The following KCNIP4 variants were observed in gnomAD, a reference collection of about 807,000 sequenced individuals.
KCNIP4 encodes potassium voltage-gated channel interacting protein 4.
KCNIP4 carries 12 observed loss-of-function variants against 34.0 expected under a neutral mutation model. That is an observed-to-expected ratio of 0.35 (90% CI 0.23 to 0.57). The LOEUF (loss-of-function observed/expected upper bound fraction) is 0.57, where lower values mean the gene tolerates loss of function less well. Among genes scored for constraint, KCNIP4 ranks in the 20% least tolerant of loss-of-function variants. KCNIP4 has a pLI of 0.83. For synonymous variants in KCNIP4, 124 were observed against 102.2 expected, an observed-to-expected ratio of 1.21 and a Z score of -1.29; for missense variants, 238 against 311.7, an observed-to-expected ratio of 0.76 and a Z score of 1.78.
chr4:21,304,123 G>GGGAGAGAGA (rs1712154423), intron 1 of KCNIP4: 1 of 512,048 alleles, frequency 2.0e-6, no homozygotes, highest in African/African-American at 2.3e-5. Flanking sequence ...GGAGAGAGAG[G>GGGAGAGAGA]GAGAGAGAGA....
chr4:21,113,480 AGG>A (rs150607339), intron 1 of KCNIP4, among the ~76,000 whole-genome samples: 228 of 87,448 alleles, frequency 2.6e-3, no homozygotes, highest in Non-Finnish European at 4.1e-3. Context: ...AAAAAAAAAA[AGG>A]AAAGCTATAC....
chr4:21,733,905 A>G (rs747494445), intron 1 of KCNIP4, among the ~76,000 whole-genome samples: 7 of 152,188 alleles, frequency 4.6e-5, no homozygotes, highest in Non-Finnish European at 1.0e-4. Flanking sequence ...TTGGAAACAT[A>G]ATCAGATTTT....
At position 21,792,019 on chromosome 4, in the gene KCNIP4, A is replaced by AAAAAAAAAC. The variant is rs1193398298; in HGVS notation, c.61+156551_61+156552insGTTTTTTTT. Among the ~76,000 whole-genome samples, 37 of 150,306 alleles carry AAAAAAAAAC rather than the reference A, an allele frequency of 2.5e-4. 1 individual carries two copies. The highest frequency in any genetic ancestry group is 8.9e-4 in the African/African-American group (36 of 40,452). On this transcript the variant is annotated intron_variant, in intron 1 of 8. Coordinates refer to ENST00000382152, the MANE Select transcript of KCNIP4 (RefSeq NM_025221.6). ...CCGTCTCAAAAAAAAAAAAAAAAAAAAAAAAAAAAACCTACCTCATAGGCA... is the reference window on the plus strand; with the variant it reads ...CCGTCTCAAAAAAAAAAAAAAAAAAAAAAAAAAACAAAAAAAAAACCTACCTCATAGGCA...
At chr4:21,653,521 A>G (rs1466702788) in intron 1 of KCNIP4, among the ~76,000 whole-genome samples, 1 of 152,226 alleles carries the variant, frequency 6.6e-6, no homozygotes, top group Admixed American at 6.5e-5. Context: ...ATACATACAT[A>G]TTCATATATC....
chr4:20,978,334 C>T (rs1310745512), intron 1 of KCNIP4, among the ~76,000 whole-genome samples: 1 of 152,150 alleles, frequency 6.6e-6, no homozygotes, highest in Admixed American at 6.5e-5. Context: ...CTGGAAGTTA[C>T]TTATTATGTG....
chr4:21,684,992 T>C (rs1038183705), intron 1 of KCNIP4, among the ~76,000 whole-genome samples: 2 of 152,216 alleles, frequency 1.3e-5, no homozygotes, highest in Admixed American at 6.5e-5. Context: ...CACATATTTG[T>C]ATAATATACA....
intron 1 of KCNIP4, among the ~76,000 whole-genome samples, chr4:21,944,916 A>C (rs7684869): frequency 0.27 from 41,234 of 152,008 alleles, 6,496 homozygotes; most frequent in East Asian, 0.62. Context: ...GCAGTTATAT[A>C]ATTTTGAAAG....
At chr4:21,806,886 G>T (rs1841188) in intron 1 of KCNIP4, among the ~76,000 whole-genome samples, 132,500 of 152,040 alleles carry the variant, frequency 0.87, 57,938 homozygotes, top group South Asian at 0.92. Context: ...TGGGATAGTT[G>T]TGGGATGATT....
intron 1 of KCNIP4, among the ~76,000 whole-genome samples, chr4:21,004,600 A>G (rs758617120): frequency 6.6e-6 from 1 of 152,186 alleles, no homozygotes; most frequent in South Asian, 2.1e-4. Flanking sequence ...GGAGCCTACA[A>G]CAATTACTGT....
intron 1 of KCNIP4, among the ~76,000 whole-genome samples, chr4:20,930,348 C>A (rs1730331952): frequency 6.6e-6 from 1 of 151,966 alleles, no homozygotes; most frequent in Admixed American, 6.6e-5. Context: ...GCACCATATA[C>A]AAAAATGGAC....
chr4:21,587,348 T>A (rs1741706402), intron 1 of KCNIP4, among the ~76,000 whole-genome samples: 1 of 152,120 alleles, frequency 6.6e-6, no homozygotes, highest in South Asian at 2.1e-4. Flanking sequence ...GTAAGGGATA[T>A]AAAAACACCA....
chr4:21,752,087 T>C (rs994977055), intron 1 of KCNIP4, among the ~76,000 whole-genome samples: 1 of 152,228 alleles, frequency 6.6e-6, no homozygotes, highest in East Asian at 1.9e-4. Context: ...TTCATACTTT[T>C]CTGTTTTTCT....
chr4:20,820,215 G>A (rs372208325), intron 3 of KCNIP4, among the ~76,000 whole-genome samples: 17 of 152,122 alleles, frequency 1.1e-4, no homozygotes, highest in Admixed American at 2.0e-4. Context: ...AAATATGGAT[G>A]GTAAAGGCAA....
intron 1 of KCNIP4, chr4:21,303,801 C>T: frequency 1.2e-6 from 2 of 1,612,068 alleles, no homozygotes; most frequent in South Asian, 2.2e-5. Flanking sequence ...AAAAGCACTC[C>T]CTTACCTTCT....
At chr4:21,371,460 T>C (rs1225238214) in intron 1 of KCNIP4, among the ~76,000 whole-genome samples, 2 of 146,946 alleles carry the variant, frequency 1.4e-5, no homozygotes, top group East Asian at 4.0e-4. Context: ...TCAATCTGCT[T>C]ACCAGGTGCA....
intron 1 of KCNIP4, among the ~76,000 whole-genome samples, chr4:21,255,623 C>G (rs569862944): frequency 6.1e-5 from 9 of 148,654 alleles, no homozygotes; most frequent in African/African-American, 2.0e-4. Context: ...TTTTCTGACC[C>G]TTAGTATCTT....
chr4:20,783,722 C>T (rs1231828607), intron 3 of KCNIP4, among the ~76,000 whole-genome samples: 2 of 152,088 alleles, frequency 1.3e-5, no homozygotes, highest in East Asian at 3.8e-4. Context: ...AGGGCTCTAC[C>T]ATTAAGTAAG....
At position 20,729,904 on chromosome 4, in the gene KCNIP4, C is replaced by CAAATTTATAACTGA. The variant is rs1260720682; in HGVS notation, c.*164_*177dup. 2 of 613,534 alleles carry CAAATTTATAACTGA rather than the reference C, an allele frequency of 3.3e-6. No homozygotes were observed. Among genetic ancestry groups the CAAATTTATAACTGA allele is most frequent in the East Asian group, 3.2e-5 (1 of 30,848 alleles). The allele number at this position is 613,534 out of a possible 1,614,324, so 38.0% of individuals were successfully genotyped here. A position where few individuals can be genotyped will look rare whatever the true frequency, so the allele number is the denominator to read the frequency against. On this transcript the variant is annotated 3_prime_UTR_variant, in exon 9 of 9. Coordinates refer to ENST00000382152, the MANE Select transcript of KCNIP4 (RefSeq NM_025221.6). ...ACTCAGTGGCATTATGAAAAGGATGCAAATTTATAACTGAAAGCTCAAATC... is the reference window on the plus strand; with the variant it reads ...ACTCAGTGGCATTATGAAAAGGATGCAAATTTATAACTGAAAATTTATAACTGAAAGCTCAAATC...
At chr4:21,516,416 C>T (rs1167982602) in intron 1 of KCNIP4, among the ~76,000 whole-genome samples, 9 of 152,164 alleles carry the variant, frequency 5.9e-5, no homozygotes, top group African/African-American at 2.2e-4. Context: ...CTTTTCCTTT[C>T]ACCCACTGAA....
Sources: gnomAD v4.1 joint callset for allele counts (sites outside exome capture counted in the v4.1 genomes callset) on GRCh38, gnomAD v4.1.1 for gene constraint, MANE v1.5 for transcripts, NCBI Gene and HGNC (gene_info 2026-07-23, HGNC 2026-07-21) for gene names.